Variants in FAM20C observed in about 807,000 individuals in gnomAD.
FAM20C encodes FAM20C golgi associated secretory pathway kinase.
FAM20C carries 40 observed loss-of-function variants against 51.5 expected under a neutral mutation model. That is an observed-to-expected ratio of 0.78 (90% CI 0.60 to 1.01). The LOEUF is 1.01. FAM20C is among the 50% of genes least tolerant of loss of function. The pLI, the probability that FAM20C is intolerant of heterozygous loss-of-function variation, is 0.00. For synonymous variants in FAM20C, 406 were observed against 380.6 expected (o/e 1.07, Z -0.78); for missense variants, 861 against 844.7 (o/e 1.02, Z -0.24).
chr7:253,674 G>C (rs1788487302), intron 5 of FAM20C, among the ~76,000 whole-genome samples: 1 of 135,500 alleles, frequency 7.4e-6, no homozygotes, highest in Non-Finnish European at 1.7e-5. Context: ...CGAGGGGCTG[G>C]GCACAGAGCA....
At position 214,977 on chromosome 7, in the gene FAM20C, C is replaced by T. The variant is rs534025686; in HGVS notation, c.863+6001C>T. ...TGGGAACACAGATGTGACTCAGACT[C>T]GAAGCCTGAAGGTGGTCTGACCTCT... On this transcript the variant is annotated intron_variant, in intron 3 of 9. Transcript: ENST00000313766. 1.9e-3 allele frequency among the ~76,000 whole-genome samples: 282 copies of T among 152,174 alleles called. 1 individual carries two copies. Among genetic ancestry groups the T allele is most frequent in the African/African-American group, 6.4e-3 (266 of 41,522 alleles).
intron 3 of FAM20C, chr7:228,901 A>G (rs1344048200): frequency 1.2e-5 from 5 of 432,000 alleles, no homozygotes; most frequent in Admixed American, 7.3e-5. Context: ...CTCCTCCTCA[A>G]ACTCAGCACT....
At chr7:249,741 A>T (rs188610504) in intron 5 of FAM20C, among the ~76,000 whole-genome samples, 1 of 151,992 alleles carries the variant, frequency 6.6e-6, no homozygotes, top group Admixed American at 6.6e-5. Context: ...CCCTGTCTCA[A>T]AAAAAAAGAA....
At position 256,687 on chromosome 7, in the gene FAM20C, G is replaced by A. The variant is rs1209825184; in HGVS notation, c.1287G>A (p.Val429=). The change falls in exon 7 of 10, where the codon GTG becomes GTA. Residue 429 remains valine (V), a synonymous_variant. Transcript: ENST00000313766. The part of the protein sequence containing the change: ...WEVDPDYCEE[V]KQTPPYDSSH... ...TGGACCCTGACTACTGCGAGGAGGT[G>A]AAGCAGACACCGCCCTACGACAGCA... is the stretch of plus-strand genomic sequence containing the variant. The A allele has an allele frequency of 5.9e-6, 9 of 1,536,012 alleles. No individual in the cohort carries two copies. The East Asian group carries it at 1.7e-4, about 29-fold the overall frequency.
intron 3 of FAM20C, among the ~76,000 whole-genome samples, chr7:233,800 C>T (rs1426774896): frequency 6.6e-6 from 1 of 152,238 alleles, no homozygotes; most frequent in African/African-American, 2.4e-5. Context: ...GACCGTTATT[C>T]TGCCAGCCAC....
chr7:253,249 C>T (rs947095308), intron 5 of FAM20C, among the ~76,000 whole-genome samples: 1 of 152,198 alleles, frequency 6.6e-6, no homozygotes, highest in African/African-American at 2.4e-5. Flanking sequence ...TCCAAGGTGG[C>T]AGATGGCAGA....
At chr7:251,991 G>A (rs1353847928) in intron 5 of FAM20C, among the ~76,000 whole-genome samples, 3 of 152,212 alleles carry the variant, frequency 2.0e-5, no homozygotes, top group Non-Finnish European at 4.4e-5. Flanking sequence ...CTGTCAGTCC[G>A]ATTTCTTCCA....
intron 2 of FAM20C, among the ~76,000 whole-genome samples, chr7:206,485 G>C (rs903296263): frequency 1.3e-5 from 2 of 151,556 alleles, no homozygotes; most frequent in Non-Finnish European, 2.9e-5. Flanking sequence ...TGGTCCCCTC[G>C]GCCCTGCACA....
At chr7:240,653 CATTT>C (rs1261683169) in intron 3 of FAM20C, among the ~76,000 whole-genome samples, 47 of 152,158 alleles carry the variant, frequency 3.1e-4, no homozygotes, top group Non-Finnish European at 4.7e-4. Context: ...CTCATTCATT[CATTT>C]GTTTATGAAA....
chr7:201,338 G>C (rs1197816562), intron 2 of FAM20C, among the ~76,000 whole-genome samples: 1 of 152,226 alleles, frequency 6.6e-6, no homozygotes, highest in Admixed American at 6.5e-5. Context: ...ACCTGGATGT[G>C]TTTCTGTGGT....
chr7:229,553 CAGAT>C (rs1411282196), intron 3 of FAM20C: 1 of 152,466 alleles, frequency 6.6e-6, no homozygotes, highest in Non-Finnish European at 1.5e-5. Context: ...GTGAGAATGA[CAGAT>C]GGGGGATGAG....
chr7:235,671 G>T (rs887706923), intron 3 of FAM20C, among the ~76,000 whole-genome samples: 1 of 152,238 alleles, frequency 6.6e-6, no homozygotes, highest in Non-Finnish European at 1.5e-5. Context: ...CGCGGCCTTG[G>T]AGTTGCTGGA....
At position 248,438 on chromosome 7, in the gene FAM20C, G is replaced by A. The variant is rs755845471; in HGVS notation, c.1072+8G>A. On this transcript the variant is annotated splice_region_variant and intron_variant, in intron 5 of 9. Coordinates refer to ENST00000313766, the MANE Select transcript of FAM20C (RefSeq NM_020223.4). ...CCTTCTTCATCTCTCCAGGTAGCCT[G>A]GCACGGGGGCCCGCATTCATCTCTC... 3.3e-6 allele frequency: 5 copies of A among 1,533,694 alleles called. No individual in the cohort carries two copies. The highest frequency in any genetic ancestry group is 4.4e-6 in the Non-Finnish European group (5 of 1,143,970).
At chr7:245,729 T>C (rs141036936) in intron 3 of FAM20C, among the ~76,000 whole-genome samples, 43,858 of 152,040 alleles carry the variant, frequency 0.29, 7,863 homozygotes, top group African/African-American at 0.52. Flanking sequence ...GCGGCTAGGC[T>C]CCCCTTCCCC....
In FAM20C at chr7:204,789, G is replaced by A. The variant is rs765917879; in HGVS notation, c.785-4109G>A. 6.2e-4 allele frequency among the ~76,000 whole-genome samples: 94 copies of A among 152,330 alleles called. 1 individual carries two copies. Among genetic ancestry groups the A allele is most frequent in the Non-Finnish European group, 7.5e-4 (51 of 68,028 alleles). ...TTCTCTGTGCTCAGGGAGGGAATGTGGCACTCGTGTGGCCTTCGCTGTGCT... is the reference window on the plus strand; with the variant it reads ...TTCTCTGTGCTCAGGGAGGGAATGTAGCACTCGTGTGGCCTTCGCTGTGCT... On this transcript the variant is annotated intron_variant, in intron 2 of 9. Transcript: ENST00000313766.
intron 1 of FAM20C, among the ~76,000 whole-genome samples, chr7:194,595 A>G (rs2115037821): frequency 6.6e-6 from 1 of 152,322 alleles, no homozygotes; most frequent in Non-Finnish European, 1.5e-5. Flanking sequence ...TGAAATGTCC[A>G]GGCCCAGTGT....
intron 3 of FAM20C, 128 bp from the exon 4 acceptor site, chr7:246,287 G>C: frequency 1.3e-6 from 1 of 750,132 alleles, no homozygotes; most frequent in Admixed American, 2.1e-5. Context: ...GAAGGCTCAG[G>C]GTGGCCCTGA....
At chr7:246,064 GC>G (rs1156830467) in intron 3 of FAM20C, 1 of 184,898 alleles carries the variant, frequency 5.4e-6, no homozygotes, top group Non-Finnish European at 1.1e-5. Context: ...ACGTGCCGGG[GC>G]CCCCAGCCAG....
chr7:249,739 CA>C (rs1475845846), intron 5 of FAM20C, among the ~76,000 whole-genome samples: 1 of 150,476 alleles, frequency 6.6e-6, no homozygotes, highest in Non-Finnish European at 1.5e-5. Context: ...GACCCTGTCT[CA>C]AAAAAAAAGA....
Sources: gnomAD v4.1 joint callset for allele counts (sites outside exome capture counted in the v4.1 genomes callset) on GRCh38, gnomAD v4.1.1 for gene constraint, MANE v1.5 for transcripts, NCBI Gene and HGNC (gene_info 2026-07-23, HGNC 2026-07-21) for gene names.